WDR72: variants seen among roughly 807,000 people sequenced by gnomAD.
WDR72 encodes the protein WD repeat domain 72.
WDR72 carries 120 observed loss-of-function variants against 124.2 expected under a neutral mutation model. The observed-to-expected ratio is 0.97, with a 90% CI of 0.83 to 1.12. The LOEUF (loss-of-function observed/expected upper bound fraction) is 1.12. Among genes scored for constraint, WDR72 ranks in the 50% most tolerant of loss-of-function variants. WDR72 has a pLI of 0.00. For missense variants in WDR72, 1,387 were observed against 1,278.8 expected (o/e 1.08, Z -1.29); for synonymous variants, 452 against 441.7 (o/e 1.02, Z -0.29).
rs113680588 is a variant in WDR72 at position 53,701,915 on chromosome 15, G to A, written c.1569+219C>T. On this transcript the variant is annotated intron_variant, in intron 12 of 19. Transcript: ENST00000360509. ...AAGCATTGACTAAATCTTTGCTTTA[G>A]AGCCAAATTATCCGTCTAATGTAAG... 5.7e-3 allele frequency among the ~76,000 whole-genome samples: 867 copies of A among 152,148 alleles called. 7 individuals carry two copies. The highest frequency in any genetic ancestry group is 0.02 in the African/African-American group (823 of 41,520).
At chr15:53,660,734 T>C (rs1167065796) in intron 14 of WDR72, among the ~76,000 whole-genome samples, 2 of 152,168 alleles carry the variant, frequency 1.3e-5, no homozygotes, top group South Asian at 4.1e-4. Context: ...AAATTCCAAC[T>C]AAGTTGGGAG....
chr15:53,666,910 T>C (rs1306304318), intron 13 of WDR72, among the ~76,000 whole-genome samples: 1 of 152,188 alleles, frequency 6.6e-6, no homozygotes, highest in Non-Finnish European at 1.5e-5. Flanking sequence ...TCAGTAACAG[T>C]TACTGTGCTC....
rs1891469859 is a variant in WDR72, at chr15:53,516,552, C to G, written c.*1147G>C. The G allele has an allele frequency of 6.6e-6, 1 of 151,742 alleles. No homozygotes were observed. Among genetic ancestry groups the G allele is most frequent in the African/African-American group, 2.4e-5 (1 of 41,314 alleles). 9.4% of individuals were successfully genotyped at this position (151,742 alleles called of 1,614,324 possible). ...TTTTTCAATTATATAGTTCTCTTTT[C>G]TAATTTCCCCCTCTCCTGTCCACTG... On this transcript the variant is annotated 3_prime_UTR_variant, in exon 20 of 20. Transcript: ENST00000360509.
intron 14 of WDR72, among the ~76,000 whole-genome samples, chr15:53,658,927 T>A (rs2015518497): frequency 6.6e-6 from 1 of 152,208 alleles, no homozygotes; most frequent in Admixed American, 6.5e-5. Context: ...CAATATTGAT[T>A]TTTCAGCAGT....
chr15:53,708,845 A>G (rs544990390), intron 9 of WDR72, among the ~76,000 whole-genome samples: 10 of 152,202 alleles, frequency 6.6e-5, no homozygotes, highest in Non-Finnish European at 1.5e-4. Context: ...CTCAATAGCC[A>G]GGACCCCTGC....
intron 18 of WDR72, among the ~76,000 whole-genome samples, chr15:53,529,356 G>C (rs1892323506): frequency 6.6e-6 from 1 of 151,582 alleles, no homozygotes; most frequent in African/African-American, 2.4e-5. Flanking sequence ...CCTAAACTCA[G>C]GTTCTTTCCT....
intron 2 of WDR72, among the ~76,000 whole-genome samples, chr15:53,725,733 T>C (rs936052188): frequency 1.3e-5 from 2 of 152,078 alleles, no homozygotes; most frequent in Admixed American, 6.6e-5. Flanking sequence ...CTATACGACA[T>C]TGTGGAAAAG....
At chr15:53,713,413 A>ATTTTATTTTATCTTGTTTTG (rs1555427173) in intron 6 of WDR72, among the ~76,000 whole-genome samples, 1 of 112,526 alleles carries the variant, frequency 8.9e-6, no homozygotes, top group Non-Finnish European at 1.8e-5. Flanking sequence ...ATTTTGTTGT[A>ATTTTATTTTATCTTGTTTTG]TTTTATTTTA....
At chr15:53,655,259 A>AAAAAAAG (rs1489415634) in intron 14 of WDR72, among the ~76,000 whole-genome samples, 11 of 119,530 alleles carry the variant, frequency 9.2e-5, no homozygotes, top group East Asian at 2.9e-4. Flanking sequence ...AAAAAAAAAA[A>AAAAAAAG]AGAGATCTTA....
chr15:53,687,841 G>C (rs999555895), intron 13 of WDR72, among the ~76,000 whole-genome samples: 1 of 149,260 alleles, frequency 6.7e-6, no homozygotes, highest in African/African-American at 2.5e-5. Flanking sequence ...AAATCCAGCA[G>C]CACATCAAAA....
At chr15:53,608,331 T>C (rs1240460943) in intron 17 of WDR72, among the ~76,000 whole-genome samples, 2 of 152,130 alleles carry the variant, frequency 1.3e-5, no homozygotes, top group African/African-American at 4.8e-5. Context: ...TACAGCACTA[T>C]TCAGTTATAA....
At chr15:53,691,676 T>TA (rs1320065586) in intron 13 of WDR72, among the ~76,000 whole-genome samples, 1 of 144,468 alleles carries the variant, frequency 6.9e-6, no homozygotes, top group African/African-American at 2.6e-5. Flanking sequence ...GATAGATAGA[T>TA]GTTTAACAAA....
chr15:53,728,831 G>C (rs1181372205), intron 2 of WDR72, among the ~76,000 whole-genome samples: 1 of 152,148 alleles, frequency 6.6e-6, no homozygotes, highest in Non-Finnish European at 1.5e-5. Flanking sequence ...ATGGGAGTCA[G>C]ACTTCGAACT....
rs1272017712 is a variant in WDR72, at chr15:53,686,685, T to G, written c.1765+13065A>C. On this transcript the variant is annotated intron_variant, in intron 13 of 19. Transcript: ENST00000360509. The stretch of plus-strand genomic sequence containing the variant: ...AAAGTCAACAAGGATACCCAGGAAT[T>G]GAACTCAGCTCTGCACCAAGTGGAC... Among the ~76,000 whole-genome samples the G allele has an allele frequency of 4.7e-5, 7 of 149,810 alleles. No individual in the cohort carries two copies. In the East Asian group the frequency reaches 1.4e-3, roughly 30 times the overall value.
intron 13 of WDR72, among the ~76,000 whole-genome samples, chr15:53,678,264 C>A (rs2140474221): frequency 6.6e-6 from 1 of 152,210 alleles, no homozygotes; most frequent in Non-Finnish European, 1.5e-5. Context: ...ATGTATAATT[C>A]TATCTTTTAC....
intron 18 of WDR72, among the ~76,000 whole-genome samples, chr15:53,594,349 A>G (rs1409605966): frequency 3.3e-5 from 5 of 151,946 alleles, no homozygotes; most frequent in African/African-American, 4.8e-5. Flanking sequence ...GAGCTCATAG[A>G]GGACAAATAA....
chr15:53,671,595 T>C (rs489953), intron 13 of WDR72, among the ~76,000 whole-genome samples: 14,532 of 152,186 alleles, frequency 0.095, 1,854 homozygotes, highest in African/African-American at 0.29. Flanking sequence ...TCAGAGCATA[T>C]GAGGGTCTCA....
intron 2 of WDR72, among the ~76,000 whole-genome samples, chr15:53,726,007 G>T (rs558980289): frequency 3.3e-5 from 5 of 151,614 alleles, no homozygotes; most frequent in African/African-American, 1.2e-4. Flanking sequence ...GGGAGGTGGA[G>T]GTTGCAGTGA....
chr15:53,682,226 G>T (rs1249048099), intron 13 of WDR72, among the ~76,000 whole-genome samples: 1 of 152,122 alleles, frequency 6.6e-6, no homozygotes, highest in Non-Finnish European at 1.5e-5. Context: ...AAAACTATAA[G>T]ATCAAGTTAA....
Sources: gnomAD v4.1 joint callset for allele counts (sites outside exome capture counted in the v4.1 genomes callset) on GRCh38, gnomAD v4.1.1 for gene constraint, MANE v1.5 for transcripts, NCBI Gene and HGNC (gene_info 2026-07-23, HGNC 2026-07-21) for gene names.